THRAP3: variants seen among roughly 807,000 people sequenced by gnomAD.
The protein encoded by THRAP3 is thyroid hormone receptor-associated protein 3.
Under a neutral mutation model 101.0 loss-of-function variants are expected in THRAP3, and 16 were observed. That is an observed-to-expected ratio of 0.16 (90% CI 0.11 to 0.24). THRAP3 has a LOEUF of 0.24. Ranked by LOEUF, THRAP3 falls within the 10% of genes least tolerant of loss-of-function variation. The pLI is 1.00. For missense variants in THRAP3, 989 were observed against 1,202.7 expected, an observed-to-expected ratio of 0.82 and a Z score of 2.63; for synonymous variants, 407 against 422.6, an observed-to-expected ratio of 0.96 and a Z score of 0.45.
At chr1:36,216,518 A>AAT in the THRAP3 span, among the ~76,000 whole-genome samples, 1 of 147,844 alleles carries the variant, frequency 6.8e-6, no homozygotes, top group African/African-American at 2.5e-5. Flanking sequence ...AAAAAAAAAA[A>AAT]ATGCCGGGTG....
the THRAP3 span, among the ~76,000 whole-genome samples, chr1:36,207,793 T>G: frequency 6.6e-6 from 1 of 152,044 alleles, no homozygotes; most frequent in Non-Finnish European, 1.5e-5. Context: ...TGAAGACTTT[T>G]TTTATTTTTA....
At chr1:36,221,455 T>C (rs1041139310), upstream of THRAP3, among the ~76,000 whole-genome samples, 1 of 151,670 alleles carries the variant, frequency 6.6e-6, no homozygotes, top group Non-Finnish European at 1.5e-5. Context: ...CAAACTTCAT[T>C]GCTCTCTTAT....
intron 1 of THRAP3, among the ~76,000 whole-genome samples, chr1:36,227,289 T>G (rs1474308517): frequency 6.7e-6 from 1 of 148,584 alleles, no homozygotes; most frequent in Non-Finnish European, 1.5e-5. Context: ...ATTTACAACT[T>G]TTTTTTTTTT....
intron 5 of THRAP3, among the ~76,000 whole-genome samples, chr1:36,290,720 C>T (rs562407726): frequency 4.6e-5 from 7 of 152,334 alleles, no homozygotes; most frequent in Admixed American, 3.9e-4. Flanking sequence ...CCTGCCTTAG[C>T]CTCCCAAAGT....
the THRAP3 span, among the ~76,000 whole-genome samples, chr1:36,213,998 G>A: frequency 0.016 from 480 of 29,146 alleles, 1 homozygote; most frequent in South Asian, 0.028. Flanking sequence ...AGAAAGAAAG[G>A]AAAGAAAGAA....
At chr1:36,226,448 CG>C (rs1644963319) in intron 1 of THRAP3, among the ~76,000 whole-genome samples, 1 of 152,004 alleles carries the variant, frequency 6.6e-6, no homozygotes, top group African/African-American at 2.4e-5. Flanking sequence ...GTAGTAGAGA[CG>C]GGGTTTCACC....
intron 1 of THRAP3, among the ~76,000 whole-genome samples, chr1:36,258,971 G>C (rs1481440811): frequency 2.6e-5 from 4 of 152,166 alleles, no homozygotes; most frequent in Admixed American, 1.3e-4. Context: ...TTTATGGGTA[G>C]GTACGGAGAG....
the THRAP3 span, among the ~76,000 whole-genome samples, chr1:36,215,603 C>T: frequency 1.3e-5 from 2 of 152,184 alleles, no homozygotes; most frequent in African/African-American, 2.4e-5. Flanking sequence ...AGGGGTAAAT[C>T]GTACATGTTG....
rs552179407 is a variant in THRAP3, at chr1:36,273,615, C to T, written c.-31-8918C>T. 3.3e-5 allele frequency among the ~76,000 whole-genome samples: 5 copies of T among 152,320 alleles called. No individual in the cohort carries two copies. In the South Asian group the frequency reaches 1.0e-3, roughly 32 times the overall value. The stretch of plus-strand genomic sequence containing the variant: ...GGCAAGAAAATGAAACACGAGGCAT[C>T]TAAATTGGTGAAGAAGTAAAATCAT... On this transcript the variant is annotated intron_variant, in intron 2 of 11. Coordinates refer to ENST00000354618, the MANE Select transcript of THRAP3 (RefSeq NM_005119.4).
chr1:36,222,960 C>T (rs1476881906), upstream of THRAP3, among the ~76,000 whole-genome samples: 1 of 152,008 alleles, frequency 6.6e-6, no homozygotes, highest in Non-Finnish European at 1.5e-5. Context: ...GAAACCCCGT[C>T]TCCACAAAAA....
intron 6 of THRAP3, 22 bp from the exon 7 acceptor site, chr1:36,292,576 G>GTAT: frequency 6.3e-7 from 1 of 1,593,394 alleles, no homozygotes; most frequent in Non-Finnish European, 8.6e-7. Context: ...GGCCCATAAT[G>GTAT]TGTTTCTTTT....
chr1:36,236,260 C>T (rs1184336942), intron 1 of THRAP3, among the ~76,000 whole-genome samples: 1 of 148,874 alleles, frequency 6.7e-6, no homozygotes, highest in Non-Finnish European at 1.5e-5. Flanking sequence ...AGACTGGGCG[C>T]AAAAACCAAA....
intron 3 of THRAP3, 139 bp downstream of exon 3, chr1:36,282,839 A>G: frequency 1.2e-6 from 1 of 830,550 alleles, no homozygotes; most frequent in Non-Finnish European, 1.9e-6. Flanking sequence ...GGGCTATAAG[A>G]TATTCCAGGT....
chr1:36,260,082 A>G (rs1645425280), intron 2 of THRAP3, among the ~76,000 whole-genome samples: 2 of 151,978 alleles, frequency 1.3e-5, no homozygotes, highest in African/African-American at 4.8e-5. Flanking sequence ...TCTCTACTAA[A>G]AATACAAAAA....
Position 36,286,256 on chromosome 1 carries a change from C to A in THRAP3, c.138-112C>A. ...AATATTTGTGCCCTTGCTTTGAAAA[C>A]AAAACTGAAAGTGAATGACACATAA... On this transcript the variant is annotated intron_variant, in intron 3 of 11. Transcript: ENST00000354618. This position sits in a 1 kb window ranked among gnomAD's most constrained non-coding sequence, Gnocchi z 5.5. 1.7e-6 allele frequency: 2 copies of A among 1,160,420 alleles called. No individual in the cohort carries two copies. The highest frequency in any genetic ancestry group is 2.4e-6 in the Non-Finnish European group (2 of 821,700). 71.9% of individuals were successfully genotyped at this position (1,160,420 alleles called of 1,614,324 possible).
At chr1:36,283,513 T>C (rs1392467313) in intron 3 of THRAP3, among the ~76,000 whole-genome samples, 1 of 152,226 alleles carries the variant, frequency 6.6e-6, no homozygotes, top group Non-Finnish European at 1.5e-5. Context: ...TATTGGTGTA[T>C]TTAAATTGGT....
chr1:36,280,105 G>A (rs1428808780), intron 2 of THRAP3, among the ~76,000 whole-genome samples: 1 of 152,140 alleles, frequency 6.6e-6, no homozygotes, highest in Non-Finnish European at 1.5e-5. Context: ...GGCAACACAG[G>A]GAGACCCCAT....
chr1:36,221,738 C>A (rs1644903640), upstream of THRAP3, among the ~76,000 whole-genome samples: 1 of 152,156 alleles, frequency 6.6e-6, no homozygotes, highest in South Asian at 2.1e-4. Flanking sequence ...CATGTGCCAC[C>A]ACGCCCAGCT....
intron 2 of THRAP3, among the ~76,000 whole-genome samples, chr1:36,281,294 G>A (rs1026516054): frequency 1.3e-5 from 2 of 152,180 alleles, no homozygotes; most frequent in Non-Finnish European, 2.9e-5. Context: ...TAAATTGCAT[G>A]CGGTTTCTTC....
Sources: gnomAD v4.1 joint callset for allele counts (sites outside exome capture counted in the v4.1 genomes callset) on GRCh38, gnomAD v4.1.1 for gene constraint, Gnocchi (gnomAD v3.1) non-coding constraint, MANE v1.5 for transcripts, NCBI Gene and HGNC (gene_info 2026-07-23, HGNC 2026-07-21) for gene names.